KLRD1: variants seen among roughly 807,000 people sequenced by gnomAD.
The protein encoded by KLRD1 is killer cell lectin like receptor D1.
In KLRD1, 21 loss-of-function variants were observed where a neutral mutation model predicts 22.6. The observed-to-expected ratio is 0.93, with a 90% CI of 0.66 to 1.34. The LOEUF is 1.34. Among genes scored for constraint, KLRD1 ranks in the 40% most tolerant of loss-of-function variants. The probability of loss-of-function intolerance (pLI) is 0.00; values close to 1 mark genes in which losing one functional copy is unlikely to be tolerated. For missense variants in KLRD1, 183 were observed against 208.6 expected (o/e 0.88, Z 0.76); for synonymous variants, 59 against 71.1 (o/e 0.83, Z 0.85).
intron 1 of KLRD1, among the ~76,000 whole-genome samples, chr12:10,239,512 C>G (rs1390159346): frequency 1.2e-5 from 1 of 81,076 alleles, no homozygotes; most frequent in Non-Finnish European, 2.7e-5. Context: ...TTCCCTCCTT[C>G]CCTCCCCTTT....
chr12:10,276,695 CA>C (rs11318914), intron 1 of KLRD1, among the ~76,000 whole-genome samples: 98,847 of 133,130 alleles, frequency 0.74, 35,465 homozygotes, highest in East Asian at 0.92. Flanking sequence ...TAAAATTTGA[CA>C]AAAAAAAAAA....
At chr12:10,277,632 A>G (rs187360784) in intron 1 of KLRD1, among the ~76,000 whole-genome samples, 5 of 152,316 alleles carry the variant, frequency 3.3e-5, no homozygotes, top group Admixed American at 2.6e-4. Flanking sequence ...CTAAAATTGT[A>G]TAAAAATATT....
chr12:10,309,308 C>T lies in KLRD1; in HGVS notation c.8-80C>T, dbSNP rs562181361. 4.9e-4 allele frequency: 354 copies of T among 725,574 alleles called. 1 individual carries two copies. The highest frequency in any genetic ancestry group is 7.8e-4 in the Non-Finnish European group (310 of 399,388). The allele number at this position is 725,574 out of a possible 1,614,324, so 44.9% of individuals were successfully genotyped here. On this transcript the variant is annotated intron_variant, in intron 1 of 5. Transcript: ENST00000336164. ...CAAATGAAAGAATGTTGTGGATTCT[C>T]CGTCACTAGTTTCTGCTTTTAAGAA...
chr12:10,314,547 A>C, intron 5 of KLRD1, 126 bp from the exon 6 acceptor site: 1 of 771,364 alleles, frequency 1.3e-6, no homozygotes, highest in South Asian at 2.7e-5. Flanking sequence ...GTTACTGAAA[A>C]AAAAAGGACT....
At chr12:10,285,005 C>T (rs1278841875) in intron 1 of KLRD1, among the ~76,000 whole-genome samples, 1 of 152,046 alleles carries the variant, frequency 6.6e-6, no homozygotes, top group East Asian at 1.9e-4. Flanking sequence ...ATTAGGGTCT[C>T]TGTATCCTAC....
rs969816125 is a variant in KLRD1, at chr12:10,321,724, T to C, written c.*6931T>C. On this transcript the variant is annotated 3_prime_UTR_variant, in exon 6 of 6. Coordinates refer to ENST00000336164, the MANE Select transcript of KLRD1 (RefSeq NM_002262.5). Reference sequence around the variant, plus strand: ...GTGAGCAACTCTTTTAAGCGTTCCATGTGGCAAAGAACTGAGGCCTCCTAT... The same window carrying C: ...GTGAGCAACTCTTTTAAGCGTTCCACGTGGCAAAGAACTGAGGCCTCCTAT... The C allele has an allele frequency of 2.6e-5, 4 of 152,194 alleles. No homozygotes were observed. The highest frequency in any genetic ancestry group is 4.4e-5 in the Non-Finnish European group (3 of 68,042). The allele number at this position is 152,194 out of a possible 1,614,324, so 9.4% of individuals were successfully genotyped here.
intron 1 of KLRD1, among the ~76,000 whole-genome samples, chr12:10,296,527 T>TA (rs971655350): frequency 1.1e-4 from 16 of 150,892 alleles, no homozygotes; most frequent in South Asian, 2.1e-4. Flanking sequence ...AAAATAAAAA[T>TA]AAAAAAAACC....
In KLRD1 at chr12:10,259,410, T is replaced by C. The variant is rs555382089; in HGVS notation, c.-101+33177T>C. Among the ~76,000 whole-genome samples the C allele has an allele frequency of 1.2e-4, 19 of 152,336 alleles. No individual in the cohort carries two copies. In the South Asian group the frequency reaches 3.9e-3, roughly 32 times the overall value. ...TTGACTTATTAATGTCCAATATATG[T>C]AGTTACTTTACATTTTCCTAGCCAT... On this transcript the variant is annotated intron_variant, in intron 1 of 5. Coordinates refer to the KLRD1 transcript ENST00000544747.
At chr12:10,298,316 T>C (rs932100306) in intron 1 of KLRD1, among the ~76,000 whole-genome samples, 1 of 152,234 alleles carries the variant, frequency 6.6e-6, no homozygotes, top group African/African-American at 2.4e-5. Flanking sequence ...TTCAAAACAT[T>C]CGAACTCTAA....
intron 1 of KLRD1, among the ~76,000 whole-genome samples, chr12:10,283,250 G>T (rs1949663382): frequency 6.6e-6 from 1 of 152,204 alleles, no homozygotes. Flanking sequence ...CGAGGCAGTT[G>T]CTATTTGGCA....
chr12:10,263,022 C>T (rs372207930), intron 1 of KLRD1, among the ~76,000 whole-genome samples: 5 of 152,134 alleles, frequency 3.3e-5, no homozygotes, highest in South Asian at 4.1e-4. Context: ...ACACCTTAGA[C>T]GTAGTGTACG....
At chr12:10,275,278 T>A (rs1949582880) in intron 1 of KLRD1, among the ~76,000 whole-genome samples, 1 of 152,242 alleles carries the variant, frequency 6.6e-6, no homozygotes, top group African/African-American at 2.4e-5. Context: ...TGTTTCTAGC[T>A]CTGAGTGTCT....
chr12:10,315,269 G>A lies in KLRD1; in HGVS notation c.*476G>A. 2.3e-6 allele frequency: 1 copy of A among 442,898 alleles called. No individual in the cohort carries two copies. Among genetic ancestry groups the A allele is most frequent in the South Asian group, 1.6e-5 (1 of 63,484 alleles). The allele number at this position is 442,898 out of a possible 1,614,324, so 27.4% of individuals were successfully genotyped here. On this transcript the variant is annotated 3_prime_UTR_variant, in exon 6 of 6. Coordinates refer to ENST00000336164, the MANE Select transcript of KLRD1 (RefSeq NM_002262.5). ...AAGTAGCTAGGACTGCAGGCACCAT[G>A]TCACTATGCCCGACTAATTTTTAAT...
At position 10,328,577 on chromosome 12, in the gene KLRD1, T is replaced by C. The variant is rs1950381753; in HGVS notation, c.*13784T>C. 1 of 152,218 alleles carries C rather than the reference T, an allele frequency of 6.6e-6. No homozygotes were observed. The highest frequency in any genetic ancestry group is 2.1e-4 in the South Asian group (1 of 4,832). The allele number at this position is 152,218 out of a possible 1,614,324, so 9.4% of individuals were successfully genotyped here. Reference sequence around the variant, plus strand: ...AGCTAAAGGTTTGTCAAGTTATTTATATTTTCCAAAAACTAACTCTTAGTT... The same window carrying C: ...AGCTAAAGGTTTGTCAAGTTATTTACATTTTCCAAAAACTAACTCTTAGTT... On this transcript the variant is annotated 3_prime_UTR_variant, in exon 6 of 6. Transcript: ENST00000336164.
At chr12:10,272,282 A>G (rs2137645535) in intron 1 of KLRD1, among the ~76,000 whole-genome samples, 1 of 152,292 alleles carries the variant, frequency 6.6e-6, no homozygotes, top group South Asian at 2.1e-4. Context: ...CCAAAAGTCA[A>G]TGACATTCAC....
chr12:10,324,823 T>TATATATATATATATATAC lies in KLRD1; in HGVS notation c.*10047_*10048insCATATATATATATATATA. 1 of 137,452 alleles carries TATATATATATATATATAC rather than the reference T, an allele frequency of 7.3e-6. No homozygotes were observed. The highest frequency in any genetic ancestry group is 1.6e-5 in the Non-Finnish European group (1 of 62,744). 8.5% of individuals were successfully genotyped at this position (137,452 alleles called of 1,614,324 possible). ...ATATGTATATGTGTGTGTGTGTATA[T>TATATATATATATATATAC]ATATATATATATATATATATTCATT... On this transcript the variant is annotated 3_prime_UTR_variant, in exon 6 of 6. Transcript: ENST00000336164.
upstream of KLRD1, among the ~76,000 whole-genome samples, chr12:10,303,684 C>T (rs764104994): frequency 7.9e-5 from 12 of 152,114 alleles, no homozygotes; most frequent in Non-Finnish European, 1.6e-4. Flanking sequence ...ATTTTAGTCT[C>T]CTGCTATCAT....
rs1389761858 is a variant in KLRD1, at chr12:10,254,421, C to G, written c.-101+28188C>G. On this transcript the variant is annotated intron_variant, in intron 1 of 5. Coordinates refer to the KLRD1 transcript ENST00000544747. ...CACTCCAGGCTGGGCGACAGAGCCA[C>G]ACTCCGTCTCAAAAAAAAAAAAAAA... Among the ~76,000 whole-genome samples, 5 of 99,670 alleles carry G rather than the reference C, an allele frequency of 5.0e-5. No individual in the cohort carries two copies. The South Asian group carries it at 1.7e-3, about 35-fold the overall frequency. 65.4% of individuals were successfully genotyped at this position (99,670 alleles called of 152,430 possible).
At chr12:10,313,376 T>G in intron 4 of KLRD1, 34 bp from the exon 5 acceptor site, 1 of 1,257,254 alleles carries the variant, frequency 8.0e-7, no homozygotes, top group Non-Finnish European at 1.2e-6. Context: ...TAGATTAAAA[T>G]TAGATTAATG....
Sources: gnomAD v4.1 joint callset for allele counts (sites outside exome capture counted in the v4.1 genomes callset) on GRCh38, gnomAD v4.1.1 for gene constraint, MANE v1.5 for transcripts, NCBI Gene and HGNC (gene_info 2026-07-23, HGNC 2026-07-21) for gene names.